The following CNTN6 variants were observed in gnomAD, a reference collection of about 807,000 sequenced individuals.
CNTN6 encodes contactin 6.
Under a neutral mutation model 122.8 loss-of-function variants are expected in CNTN6, and 137 were observed. The observed-to-expected ratio is 1.12, with a 90% CI of 0.97 to 1.29. The LOEUF (loss-of-function observed/expected upper bound fraction) is 1.29, where lower values mean the gene tolerates loss of function less well. Among genes scored for constraint, CNTN6 ranks in the 50% most tolerant of loss-of-function variants. The pLI is 0.00. For missense variants in CNTN6, 1,634 were observed against 1,223.4 expected, an observed-to-expected ratio of 1.34 and a Z score of -5.01; for synonymous variants, 570 against 426.0, an observed-to-expected ratio of 1.34 and a Z score of -4.16.
chr3:1,270,499 G>C (rs1410142988), intron 4 of CNTN6, among the ~76,000 whole-genome samples: 1 of 152,168 alleles, frequency 6.6e-6, no homozygotes, highest in Admixed American at 6.5e-5. Flanking sequence ...TTGCTGGGCA[G>C]AGTACTGGCA....
At chr3:1,214,173 C>G (rs1052312609) in intron 2 of CNTN6, among the ~76,000 whole-genome samples, 1 of 151,548 alleles carries the variant, frequency 6.6e-6, no homozygotes, top group East Asian at 1.9e-4. Flanking sequence ...CATATTGATT[C>G]ATATTTAATT....
intron 4 of CNTN6, among the ~76,000 whole-genome samples, chr3:1,268,334 G>A (rs557708563): frequency 5.3e-5 from 8 of 152,144 alleles, no homozygotes; most frequent in Non-Finnish European, 8.8e-5. Context: ...TGGGCTGGGC[G>A]CGGTGGCTCA....
At chr3:1,326,961 T>G (rs1191142546) in intron 9 of CNTN6, among the ~76,000 whole-genome samples, 3 of 151,946 alleles carry the variant, frequency 2.0e-5, no homozygotes, top group African/African-American at 7.2e-5. Context: ...TTTGGCTGTT[T>G]AGGCACACTT....
At chr3:1,385,546 T>C in intron 19 of CNTN6, 65 bp from the exon 20 acceptor site, 2 of 1,303,454 alleles carry the variant, frequency 1.5e-6, no homozygotes, top group Non-Finnish European at 2.1e-6. Flanking sequence ...TGATAGTTGT[T>C]GGTAAAAAAT....
chr3:1,148,120 T>C, intron 2 of CNTN6, 57 bp downstream of exon 2: 1 of 1,344,818 alleles, frequency 7.4e-7, no homozygotes, highest in South Asian at 1.3e-5. Flanking sequence ...ATTGTATTTC[T>C]TTCTATGGGT....
chr3:1,271,834 G>T (rs1363189955), intron 4 of CNTN6, among the ~76,000 whole-genome samples: 1 of 152,064 alleles, frequency 6.6e-6, no homozygotes, highest in East Asian at 1.9e-4. Context: ...ATTATAAGTG[G>T]CAAGGAGACC....
rs780891197 is a variant in CNTN6, at chr3:1,403,346, A to T, written c.3015A>T (p.Leu1005Phe). The T allele has an allele frequency of 1.9e-6, 3 of 1,610,734 alleles. No individual in the cohort carries two copies. The South Asian group carries it at 3.3e-5, about 18-fold the overall frequency. ...SSLSSRGIQF[L>F]EPSTHFLSIV... is the part of the protein sequence containing the mutation. ...TGAGTTCCAGAGGAATTCAATTCTT[A>T]GAACCTAGCACCCATTTTCTTTCCA... Residue 1005 changes from leucine to phenylalanine, a missense_variant, in exon 23 of 23, where the codon TTA (leucine) becomes TTT (phenylalanine). Coordinates refer to ENST00000446702, the MANE Select transcript of CNTN6 (RefSeq NM_001289080.2).
chr3:1,343,261 A>G (rs1025324645), intron 11 of CNTN6, among the ~76,000 whole-genome samples: 1 of 152,126 alleles, frequency 6.6e-6, no homozygotes, highest in African/African-American at 2.4e-5. Context: ...GACTATTAGT[A>G]GTTAATTTTA....
chr3:1,377,151 A>G (rs1709987530), intron 17 of CNTN6, 76 bp downstream of exon 17: 3 of 1,024,352 alleles, frequency 2.9e-6, no homozygotes, highest in African/African-American at 1.6e-5. Context: ...AAACAAAAAG[A>G]TTTATTTGAT....
intron 4 of CNTN6, among the ~76,000 whole-genome samples, chr3:1,249,462 T>C (rs2094628793): frequency 6.6e-6 from 1 of 152,132 alleles, no homozygotes; most frequent in Admixed American, 6.5e-5. Context: ...AGGAAAAAAA[T>C]GTGCTTGAGC....
At chr3:1,299,879 T>G (rs1461590422) in intron 7 of CNTN6, among the ~76,000 whole-genome samples, 2 of 152,210 alleles carry the variant, frequency 1.3e-5, no homozygotes, top group Non-Finnish European at 2.9e-5. Flanking sequence ...GTATGTTTGT[T>G]GTGAAGATTA....
At chr3:1,163,508 C>T (rs2093179999) in intron 2 of CNTN6, among the ~76,000 whole-genome samples, 1 of 152,156 alleles carries the variant, frequency 6.6e-6, no homozygotes, top group Non-Finnish European at 1.5e-5. Flanking sequence ...AACCCCTGGG[C>T]TCAAGAGATC....
chr3:1,176,910 T>C (rs1387212868), intron 2 of CNTN6, among the ~76,000 whole-genome samples: 2 of 152,138 alleles, frequency 1.3e-5, no homozygotes, highest in Admixed American at 6.6e-5. Flanking sequence ...GTAAAAGGCC[T>C]CCTCAATGCT....
chr3:1,214,749 T>G (rs1488314683), intron 2 of CNTN6, among the ~76,000 whole-genome samples: 1 of 152,158 alleles, frequency 6.6e-6, no homozygotes, highest in African/African-American at 2.4e-5. Context: ...TGAGTTTTCT[T>G]TTTTACTCTG....
chr3:1,101,214 T>C (rs996369168), intron 1 of CNTN6, among the ~76,000 whole-genome samples: 1 of 152,150 alleles, frequency 6.6e-6, no homozygotes. Context: ...TTCGGATTCT[T>C]TTTTCTACCA....
intron 4 of CNTN6, among the ~76,000 whole-genome samples, chr3:1,251,870 A>C (rs1372721630): frequency 1.3e-5 from 2 of 152,142 alleles, no homozygotes; most frequent in Non-Finnish European, 2.9e-5. Context: ...CTTGATACTT[A>C]GTTCTGATTC....
chr3:1,374,951 G>C (rs915275805), intron 16 of CNTN6, among the ~76,000 whole-genome samples: 2 of 152,032 alleles, frequency 1.3e-5, no homozygotes, highest in Non-Finnish European at 2.9e-5. Flanking sequence ...CAGCTGAGAG[G>C]AAATCCCTTT....
chr3:1,289,762 A>G (rs1201721522), intron 5 of CNTN6, among the ~76,000 whole-genome samples: 3 of 148,824 alleles, frequency 2.0e-5, no homozygotes, highest in South Asian at 2.1e-4. Context: ...GCAAACTCCA[A>G]CTCCCGGGTT....
intron 2 of CNTN6, among the ~76,000 whole-genome samples, chr3:1,196,899 C>T (rs148830745): frequency 6.6e-6 from 1 of 152,116 alleles, no homozygotes; most frequent in Non-Finnish European, 1.5e-5. Flanking sequence ...CCCAGCCTAG[C>T]GCAGGTTAGA....
Sources: gnomAD v4.1 joint callset for allele counts (sites outside exome capture counted in the v4.1 genomes callset) on GRCh38, gnomAD v4.1.1 for gene constraint, MANE v1.5 for transcripts, NCBI Gene and HGNC (gene_info 2026-07-23, HGNC 2026-07-21) for gene names.